Variants in FSTL5 observed in about 807,000 individuals in gnomAD.
The protein encoded by FSTL5 is follistatin-related protein 5.
In FSTL5, 62 loss-of-function variants were observed where a neutral mutation model predicts 89.1. The observed-to-expected ratio is 0.70, with a 90% CI of 0.57 to 0.86. The LOEUF (loss-of-function observed/expected upper bound fraction) is 0.86. Among genes scored for constraint, FSTL5 ranks in the 40% least tolerant of loss-of-function variants. FSTL5 has a pLI of 0.00. For synonymous variants in FSTL5, 383 were observed against 346.2 expected (o/e 1.11, Z -1.18); for missense variants, 1,057 against 1,001.6 (o/e 1.06, Z -0.75).
intron 3 of FSTL5, among the ~76,000 whole-genome samples, chr4:161,992,933 T>TACAC (rs1560957736): frequency 0.065 from 945 of 14,472 alleles, 10 homozygotes; most frequent in East Asian, 0.22. Flanking sequence ...TATGTGTGTA[T>TACAC]ATATATATGT....
At chr4:161,994,798 A>G (rs1477799112) in intron 3 of FSTL5, among the ~76,000 whole-genome samples, 1 of 152,140 alleles carries the variant, frequency 6.6e-6, no homozygotes, top group Non-Finnish European at 1.5e-5. Context: ...TCAGATGCAC[A>G]GTTTGCAAAA....
At chr4:162,045,794 G>C (rs1399353326) in intron 2 of FSTL5, among the ~76,000 whole-genome samples, 2 of 152,102 alleles carry the variant, frequency 1.3e-5, no homozygotes, top group African/African-American at 4.8e-5. Context: ...GTTATTAACT[G>C]AAATGGAAAT....
chr4:161,897,457 G>T (rs1008909288), intron 4 of FSTL5, among the ~76,000 whole-genome samples: 2 of 150,696 alleles, frequency 1.3e-5, no homozygotes, highest in African/African-American at 4.9e-5. Context: ...AAAAATATGA[G>T]CAGATCACTC....
intron 15 of FSTL5, among the ~76,000 whole-genome samples, chr4:161,430,478 T>C (rs62326360): frequency 0.14 from 20,975 of 152,134 alleles, 1,722 homozygotes; most frequent in East Asian, 0.24. Context: ...TGGTGGCTCA[T>C]GCCTGTAATC....
chr4:161,771,559 C>T (rs1741211347), intron 5 of FSTL5, among the ~76,000 whole-genome samples: 1 of 152,072 alleles, frequency 6.6e-6, no homozygotes, highest in Non-Finnish European at 1.5e-5. Context: ...TAAAAAATAT[C>T]CTAGGATTTC....
intron 10 of FSTL5, among the ~76,000 whole-genome samples, chr4:161,523,003 T>C (rs758263516): frequency 1.3e-5 from 2 of 152,096 alleles, no homozygotes; most frequent in Non-Finnish European, 2.9e-5. Flanking sequence ...GCAATAATGA[T>C]AACTAGAAGA....
At chr4:161,976,117 CAAAAA>C (rs371745777) in intron 3 of FSTL5, among the ~76,000 whole-genome samples, 3 of 65,376 alleles carry the variant, frequency 4.6e-5, no homozygotes, top group Non-Finnish European at 3.0e-5. Context: ...GACTCCGCCT[CAAAAA>C]AAAAAAAAAA....
chr4:161,835,805 C>G (rs1357887436), intron 4 of FSTL5, among the ~76,000 whole-genome samples: 2 of 151,970 alleles, frequency 1.3e-5, no homozygotes, highest in East Asian at 3.9e-4. Context: ...CAGGAAACAA[C>G]AGGTGCTGGA....
intron 2 of FSTL5, among the ~76,000 whole-genome samples, chr4:162,109,385 A>T (rs1029795239): frequency 6.6e-6 from 1 of 152,054 alleles, no homozygotes; most frequent in Non-Finnish European, 1.5e-5. Context: ...ACATTCACCA[A>T]ATCTCATCTC....
chr4:161,945,958 A>T (rs527260222), intron 3 of FSTL5, among the ~76,000 whole-genome samples: 52 of 152,126 alleles, frequency 3.4e-4, no homozygotes, highest in Non-Finnish European at 7.1e-4. Flanking sequence ...TATTATAATT[A>T]TAATTTAAAT....
At chr4:161,570,190 G>C (rs1230417628) in intron 8 of FSTL5, among the ~76,000 whole-genome samples, 1 of 152,094 alleles carries the variant, frequency 6.6e-6, no homozygotes, top group Admixed American at 6.6e-5. Flanking sequence ...GAGAAGACTG[G>C]GCAGGACAGT....
At chr4:162,111,774 TA>T (rs1181812438) in intron 1 of FSTL5, among the ~76,000 whole-genome samples, 1 of 152,116 alleles carries the variant, frequency 6.6e-6, no homozygotes, top group Non-Finnish European at 1.5e-5. Context: ...TATTAATATA[TA>T]AATATTGAAC....
At chr4:162,127,494 A>G (rs184256117) in intron 1 of FSTL5, among the ~76,000 whole-genome samples, 1 of 152,298 alleles carries the variant, frequency 6.6e-6, no homozygotes. Flanking sequence ...AAGTCATTCA[A>G]GCATTTTTTT....
At chr4:161,935,413 A>ACCTTCTCC in intron 3 of FSTL5, among the ~76,000 whole-genome samples, 1 of 152,166 alleles carries the variant, frequency 6.6e-6, no homozygotes, top group Non-Finnish European at 1.5e-5. Flanking sequence ...TTCTGAAAAG[A>ACCTTCTCC]TAGATTTATA....
chr4:161,805,573 T>C (rs1031591746), intron 4 of FSTL5, among the ~76,000 whole-genome samples: 2 of 152,090 alleles, frequency 1.3e-5, no homozygotes, highest in Non-Finnish European at 2.9e-5. Context: ...GGGAGAATGA[T>C]AGAACAATGA....
intron 4 of FSTL5, among the ~76,000 whole-genome samples, chr4:161,788,596 A>G (rs549393799): frequency 6.6e-6 from 1 of 152,372 alleles, no homozygotes; most frequent in African/African-American, 2.4e-5. Flanking sequence ...ACTTTGAAAC[A>G]ACACCTGTGC....
chr4:161,455,192 T>A (rs961653927), intron 14 of FSTL5, 64 bp from the exon 15 acceptor site: 1 of 1,331,082 alleles, frequency 7.5e-7, no homozygotes, highest in Non-Finnish European at 1.0e-6. Flanking sequence ...AAGCTTTAAT[T>A]TTATTTAGAG....
chr4:161,934,829 C>T (rs17458893), intron 3 of FSTL5, among the ~76,000 whole-genome samples: 49,666 of 151,752 alleles, frequency 0.33, 9,744 homozygotes, highest in Non-Finnish European at 0.43. Flanking sequence ...AATATCATGC[C>T]CCTGTTATTA....
intron 4 of FSTL5, among the ~76,000 whole-genome samples, chr4:161,849,044 A>G (rs577612261): frequency 4.6e-5 from 7 of 152,306 alleles, no homozygotes; most frequent in African/African-American, 1.7e-4. Context: ...CAGGGTCTCT[A>G]TAAAGGGATC....
Sources: allele counts gnomAD v4.1 joint callset (sites outside exome capture counted in the v4.1 genomes callset), GRCh38; gene constraint gnomAD v4.1.1; transcripts MANE v1.5; gene names NCBI Gene and HGNC (gene_info 2026-07-23, HGNC 2026-07-21).